TJP2: variants seen among roughly 807,000 people sequenced by gnomAD.
TJP2 encodes tight junction protein 2.
TJP2 carries 91 observed loss-of-function variants against 133.1 expected under a neutral mutation model. The ratio of observed to expected loss-of-function variants is 0.68; its 90% CI spans 0.58 to 0.81. TJP2 has a LOEUF of 0.81. TJP2 is among the 40% of genes least tolerant of loss of function. The probability of loss-of-function intolerance (pLI) is 0.00; values close to 1 mark genes in which losing one functional copy is unlikely to be tolerated. For synonymous variants in TJP2, 592 were observed against 583.4 expected (o/e 1.01, Z -0.21); for missense variants, 1,541 against 1,565.6 (o/e 0.98, Z 0.26).
At position 69,252,817 on chromosome 9, in the gene TJP2, C is replaced by G. The variant is rs780660433; in HGVS notation, c.3324C>G (p.Ile1108Met). ...QELQEAQNAR[I>M]EIAQKHPDIY... The stretch of plus-strand genomic sequence containing the variant: ...CTTTTCTTTTTTAATTACCACAGAT[C>G]GAAATTGCCCAGAAGCATCCTGATA... The change falls in exon 22 of 23, where the codon ATC (isoleucine) becomes ATG (methionine). Residue 1108 changes from isoleucine to methionine, a missense_variant and splice_region_variant. Coordinates refer to ENST00000377245, the MANE Select transcript of TJP2 (RefSeq NM_004817.4). 6 of 1,613,874 alleles carry G rather than the reference C, an allele frequency of 3.7e-6. No individual in the cohort carries two copies. The South Asian group carries it at 4.4e-5, about 12-fold the overall frequency.
At chr9:69,123,053 C>T (rs1822216942) in intron 1 of TJP2, among the ~76,000 whole-genome samples, 1 of 152,164 alleles carries the variant, frequency 6.6e-6, no homozygotes, top group African/African-American at 2.4e-5. Context: ...CCCAGATCTG[C>T]TGAATCAGGA....
intron 5 of TJP2, among the ~76,000 whole-genome samples, chr9:69,224,901 T>C (rs1471913501): frequency 1.3e-5 from 2 of 152,148 alleles, no homozygotes; most frequent in African/African-American, 2.4e-5. Flanking sequence ...ATTTCAGAGG[T>C]ATCTTCCAAA....
chr9:69,240,069 C>A lies in TJP2; in HGVS notation c.2488C>A (p.Pro830Thr). ...CAAAACCATGAGACAAAGGTTAAAT[C>A]CAACGTCCAACAAAAGTTCTCGAAA... The part of the protein sequence containing the change: ...GVKTMRQRLN[P>T]TSNKSSRKLF... The change falls in exon 17 of 23, where the codon CCA (proline) becomes ACA (threonine). Residue 830 changes from proline (P) to threonine (T), a missense_variant. Coordinates refer to ENST00000377245, the MANE Select transcript of TJP2 (RefSeq NM_004817.4). 1 of 1,614,008 alleles carries A rather than the reference C, an allele frequency of 6.2e-7. No homozygotes were observed. Among genetic ancestry groups the A allele is most frequent in the Non-Finnish European group, 8.5e-7 (1 of 1,180,004 alleles).
intron 8 of TJP2, 46 bp downstream of exon 8, chr9:69,227,919 C>G: frequency 6.2e-7 from 1 of 1,612,894 alleles, no homozygotes; most frequent in Non-Finnish European, 8.5e-7. Flanking sequence ...TGTGAATGTA[C>G]ACACATATGT....
intron 22 of TJP2, 79 bp downstream of exon 22, chr9:69,252,979 C>A (rs1378714994): frequency 7.2e-7 from 1 of 1,390,884 alleles, no homozygotes; most frequent in Non-Finnish European, 1.0e-6. Flanking sequence ...TTTCCTTTAC[C>A]CAAATTTCAG....
chr9:69,226,683 G>C (rs60044993), intron 7 of TJP2, among the ~76,000 whole-genome samples: 3,074 of 152,242 alleles, frequency 0.02, 114 homozygotes, highest in African/African-American at 0.07. Flanking sequence ...ATTTTTAGTA[G>C]AGACGGGGTT....
At chr9:69,173,924 T>C (rs1289726033), upstream of TJP2, 1 of 982,702 alleles carries the variant, frequency 1.0e-6, no homozygotes, top group South Asian at 4.7e-5. Flanking sequence ...CTTGCTCCAG[T>C]GCACGCCGCG....
intron 1 of TJP2, among the ~76,000 whole-genome samples, chr9:69,140,778 C>T (rs985530231): frequency 2.5e-4 from 38 of 152,306 alleles, no homozygotes; most frequent in African/African-American, 7.7e-4. Flanking sequence ...GTAGAAACAG[C>T]GTAGGATCAA....
At chr9:69,214,709 C>T (rs1423143530) in intron 2 of TJP2, among the ~76,000 whole-genome samples, 3 of 151,940 alleles carry the variant, frequency 2.0e-5, no homozygotes, top group South Asian at 2.1e-4. Flanking sequence ...TGTCTCTCTA[C>T]TAAAAATACA....
intron 1 of TJP2, among the ~76,000 whole-genome samples, chr9:69,132,750 G>A (rs1822552643): frequency 6.6e-6 from 1 of 152,124 alleles, no homozygotes; most frequent in Non-Finnish European, 1.5e-5. Context: ...ATGAGGAAAG[G>A]GGCAGTTAAA....
chr9:69,129,694 T>A (rs1304939157), intron 1 of TJP2, among the ~76,000 whole-genome samples: 1 of 152,090 alleles, frequency 6.6e-6, no homozygotes, highest in African/African-American at 2.4e-5. Context: ...CCTAGCACTT[T>A]GGGAGGCCGA....
intron 1 of TJP2, among the ~76,000 whole-genome samples, chr9:69,146,224 G>A (rs972208864): frequency 9.9e-5 from 15 of 152,012 alleles, no homozygotes; most frequent in African/African-American, 2.7e-4. Context: ...ACTATGCTTC[G>A]GGGAAATACT....
At chr9:69,161,224 G>C (rs544664182) in intron 2 of TJP2, among the ~76,000 whole-genome samples, 120 of 151,882 alleles carry the variant, frequency 7.9e-4, no homozygotes, top group African/African-American at 2.7e-3. Context: ...ATGTGTGTGT[G>C]TGTGTGTGTG....
chr9:69,205,459 T>A (rs1827327095), intron 1 of TJP2: 1 of 903,110 alleles, frequency 1.1e-6, no homozygotes, highest in African/African-American at 1.7e-5. Context: ...AGCCTCTTAC[T>A]GGATCTGTGG....
intron 1 of TJP2, among the ~76,000 whole-genome samples, chr9:69,150,040 C>T (rs2133333418): frequency 6.6e-6 from 1 of 152,062 alleles, no homozygotes; most frequent in South Asian, 2.1e-4. Flanking sequence ...ATCCCAGCTA[C>T]CTGAGAGGCT....
chr9:69,192,743 A>G (rs1293229575), intron 1 of TJP2, among the ~76,000 whole-genome samples: 4 of 152,120 alleles, frequency 2.6e-5, no homozygotes. Flanking sequence ...GTGCTGCAGC[A>G]GTGGCTTTGG....
chr9:69,150,545 G>A (rs947102660), intron 1 of TJP2, among the ~76,000 whole-genome samples: 7 of 152,074 alleles, frequency 4.6e-5, no homozygotes, highest in Admixed American at 2.6e-4. Flanking sequence ...TGATCCACCC[G>A]CCTCAGCCTT....
chr9:69,158,242 C>T (rs979933515), intron 2 of TJP2, among the ~76,000 whole-genome samples: 2 of 145,326 alleles, frequency 1.4e-5, no homozygotes, highest in Admixed American at 7.2e-5. Flanking sequence ...GCAGGAGAAT[C>T]GCTTGAATCC....
intron 4 of TJP2, among the ~76,000 whole-genome samples, chr9:69,219,852 C>T (rs7874888): frequency 2.0e-5 from 3 of 151,448 alleles, no homozygotes; most frequent in South Asian, 4.2e-4. Context: ...CCCTCTACCC[C>T]ACCCCCCACT....
Sources: gnomAD v4.1 joint callset for allele counts (sites outside exome capture counted in the v4.1 genomes callset) on GRCh38, gnomAD v4.1.1 for gene constraint, MANE v1.5 for transcripts, NCBI Gene and HGNC (gene_info 2026-07-23, HGNC 2026-07-21) for gene names.